DTNB: variants seen among roughly 807,000 people sequenced by gnomAD.
DTNB encodes the protein dystrobrevin beta, also known as DTN-B.
A neutral mutation model predicts 90.7 loss-of-function variants in DTNB; 63 were observed. That is an observed-to-expected ratio of 0.69 (90% CI 0.57 to 0.86). The LOEUF (loss-of-function observed/expected upper bound fraction) is 0.86, where lower values mean the gene tolerates loss of function less well. Ranked by LOEUF, DTNB falls within the 40% of genes least tolerant of loss-of-function variation. The pLI is 0.00. For synonymous variants in DTNB, 277 were observed against 286.7 expected (o/e 0.97, Z 0.34); for missense variants, 744 against 807.1 (o/e 0.92, Z 0.95).
At chr2:25,451,732 A>G (rs2059320019) in intron 11 of DTNB, 97 bp from the exon 12 acceptor site, 9 of 1,223,888 alleles carry the variant, frequency 7.4e-6, no homozygotes, top group Non-Finnish European at 9.7e-6. Context: ...CTCATAAAAG[A>G]ATGGTAATAA....
At chr2:25,546,126 C>A (rs915474391) in intron 8 of DTNB, among the ~76,000 whole-genome samples, 1 of 152,212 alleles carries the variant, frequency 6.6e-6, no homozygotes, top group African/African-American at 2.4e-5. Flanking sequence ...AGGCAATAGA[C>A]TGTGACTTGC....
intron 8 of DTNB, among the ~76,000 whole-genome samples, chr2:25,533,256 G>A (rs879556991): frequency 1.3e-5 from 2 of 152,168 alleles, no homozygotes; most frequent in African/African-American, 2.4e-5. Flanking sequence ...AGCCCGGGCC[G>A]ACGAGGCTGC....
intron 5 of DTNB, among the ~76,000 whole-genome samples, chr2:25,605,365 T>A (rs1233730248): frequency 6.6e-6 from 1 of 152,220 alleles, no homozygotes; most frequent in African/African-American, 2.4e-5. Flanking sequence ...GCTTGGCCCG[T>A]GGGCTTTTGC....
intron 10 of DTNB, among the ~76,000 whole-genome samples, chr2:25,468,087 T>C (rs2062123560): frequency 6.6e-6 from 1 of 152,108 alleles, no homozygotes; most frequent in Non-Finnish European, 1.5e-5. Flanking sequence ...CGGGAGTCTT[T>C]GTCTTATATT....
At chr2:25,599,840 A>T (rs1163757715) in intron 5 of DTNB, among the ~76,000 whole-genome samples, 1 of 152,068 alleles carries the variant, frequency 6.6e-6, no homozygotes, top group Admixed American at 6.6e-5. Flanking sequence ...CACACCTGTA[A>T]TCCCAGAACT....
chr2:25,491,158 G>GACACAAACACAC (rs1553453854), intron 9 of DTNB, among the ~76,000 whole-genome samples: 2 of 150,512 alleles, frequency 1.3e-5, no homozygotes, highest in Non-Finnish European at 2.9e-5. Context: ...CACACACACA[G>GACACAAACACAC]ACACACACAC....
In DTNB at chr2:25,576,825, A is replaced by G; in HGVS notation, c.876+13T>C. The stretch of plus-strand genomic sequence containing the variant: ...TAACACTCAGGGACACAGATGAAAC[A>G]CAAAGCAGTTACCCAAGAGGAATGC... On this transcript the variant is annotated intron_variant, in intron 8 of 20. Coordinates refer to ENST00000406818, the MANE Select transcript of DTNB (RefSeq NM_021907.5). 6.2e-7 allele frequency: 1 copy of G among 1,607,122 alleles called. No homozygotes were observed. The highest frequency in any genetic ancestry group is 8.5e-7 in the Non-Finnish European group (1 of 1,176,414).
intron 2 of DTNB, among the ~76,000 whole-genome samples, chr2:25,648,993 CTTTTTTTTTTTTTTTT>C (rs60749102): frequency 1.7e-4 from 16 of 94,034 alleles, no homozygotes; most frequent in South Asian, 7.9e-4. Flanking sequence ...TCCTTCCTAC[CTTTTTTTTTTTTTTTT>C]TTTTTTTTTT....
At chr2:25,434,397 G>GTTTTT (rs1172619901) in intron 12 of DTNB, among the ~76,000 whole-genome samples, 2 of 101,366 alleles carry the variant, frequency 2.0e-5, no homozygotes, top group African/African-American at 9.4e-5. Flanking sequence ...CCATGAACTA[G>GTTTTT]TCTTTTTTTT....
intron 8 of DTNB, among the ~76,000 whole-genome samples, chr2:25,532,479 T>C (rs2078431288): frequency 6.6e-6 from 1 of 152,120 alleles, no homozygotes; most frequent in Non-Finnish European, 1.5e-5. Flanking sequence ...CAGGACTCTA[T>C]ATTACAAAAA....
intron 8 of DTNB, among the ~76,000 whole-genome samples, chr2:25,568,979 G>A (rs1424212387): frequency 6.6e-6 from 1 of 152,160 alleles, no homozygotes; most frequent in Non-Finnish European, 1.5e-5. Flanking sequence ...CCTCCTCTAG[G>A]GATGCTGTCT....
At chr2:25,520,463 C>G (rs564080077) in intron 9 of DTNB, among the ~76,000 whole-genome samples, 1 of 152,312 alleles carries the variant, frequency 6.6e-6, no homozygotes, top group African/African-American at 2.4e-5. Context: ...ATTTTTAACT[C>G]CAGACTCATC....
At chr2:25,451,492 G>T in intron 12 of DTNB, 56 bp downstream of exon 12, 3 of 1,528,820 alleles carry the variant, frequency 2.0e-6, no homozygotes, top group Admixed American at 2.0e-5. Context: ...CTTTCCATTT[G>T]CATATTAAAG....
At chr2:25,467,252 G>A (rs1004663935) in intron 10 of DTNB, among the ~76,000 whole-genome samples, 1 of 151,522 alleles carries the variant, frequency 6.6e-6, no homozygotes, top group African/African-American at 2.4e-5. Context: ...GAATGAAGAA[G>A]ATGTAAAGGC....
At chr2:25,576,710 T>A in intron 8 of DTNB, 128 bp downstream of exon 8, 5 of 1,170,522 alleles carry the variant, frequency 4.3e-6, no homozygotes, top group Non-Finnish European at 5.7e-6. Context: ...CTGGCATAAA[T>A]GTTAGTGTTA....
chr2:25,549,704 C>T (rs1165686754), intron 8 of DTNB, among the ~76,000 whole-genome samples: 1 of 152,004 alleles, frequency 6.6e-6, no homozygotes, highest in Non-Finnish European at 1.5e-5. Context: ...GGTTCATTTT[C>T]TTTCTTACTG....
At chr2:25,647,250 C>A (rs1000349026) in intron 2 of DTNB, among the ~76,000 whole-genome samples, 1 of 152,116 alleles carries the variant, frequency 6.6e-6, no homozygotes, top group African/African-American at 2.4e-5. Flanking sequence ...AAGGTACATG[C>A]ATCCAAGAAT....
intron 6 of DTNB, among the ~76,000 whole-genome samples, chr2:25,582,753 A>C (rs1432239597): frequency 6.6e-6 from 1 of 152,190 alleles, no homozygotes; most frequent in African/African-American, 2.4e-5. Flanking sequence ...ACCTACCCAA[A>C]TAGGCTAAAT....
intron 12 of DTNB, among the ~76,000 whole-genome samples, chr2:25,440,516 T>A (rs1410715579): frequency 2.0e-5 from 3 of 152,320 alleles, no homozygotes; most frequent in Non-Finnish European, 4.4e-5. Flanking sequence ...TTGCAACATG[T>A]GAGAACATTT....
Sources: gnomAD v4.1 joint callset for allele counts (sites outside exome capture counted in the v4.1 genomes callset) on GRCh38, gnomAD v4.1.1 for gene constraint, MANE v1.5 for transcripts, NCBI Gene and HGNC (gene_info 2026-07-23, HGNC 2026-07-21) for gene names.